Variants in NR3C2 observed in about 807,000 individuals in gnomAD.
The protein encoded by NR3C2 is mineralocorticoid receptor.
Under a neutral mutation model 86.4 loss-of-function variants are expected in NR3C2, and 15 were observed. That is an observed-to-expected ratio of 0.17 (90% CI 0.12 to 0.27). The LOEUF (loss-of-function observed/expected upper bound fraction) is 0.27. Ranked by LOEUF, NR3C2 falls within the 10% of genes least tolerant of loss-of-function variation. The probability of loss-of-function intolerance (pLI) is 1.00; values close to 1 mark genes in which losing one functional copy is unlikely to be tolerated. For missense variants in NR3C2, 960 were observed against 1,195.6 expected (o/e 0.80, Z 2.91); for synonymous variants, 458 against 450.5 (o/e 1.02, Z -0.21).
At chr4:148,205,548 T>C (rs554200982) in intron 3 of NR3C2, among the ~76,000 whole-genome samples, 21 of 152,236 alleles carry the variant, frequency 1.4e-4, no homozygotes, top group Non-Finnish European at 3.1e-4. Flanking sequence ...TAATTCAATA[T>C]GTCTGCTTGC....
intron 2 of NR3C2, among the ~76,000 whole-genome samples, chr4:148,419,644 T>C (rs763342530): frequency 1.3e-5 from 2 of 152,226 alleles, no homozygotes; most frequent in African/African-American, 2.4e-5. Context: ...TACATATCAG[T>C]GACTGATGAT....
intron 5 of NR3C2, among the ~76,000 whole-genome samples, chr4:148,154,078 G>A (rs922448183): frequency 2.0e-5 from 3 of 149,562 alleles, no homozygotes; most frequent in Admixed American, 6.7e-5. Flanking sequence ...GTGGGATCTC[G>A]GCTCACTGCA....
chr4:148,259,379 G>A (rs1049697690), intron 3 of NR3C2, among the ~76,000 whole-genome samples: 6 of 152,164 alleles, frequency 3.9e-5, no homozygotes, highest in African/African-American at 1.2e-4. Context: ...TAAGGAGTAC[G>A]ATTTTGGGGC....
chr4:148,175,710 C>T (rs1219971513), intron 4 of NR3C2, among the ~76,000 whole-genome samples: 1 of 151,958 alleles, frequency 6.6e-6, no homozygotes, highest in Non-Finnish European at 1.5e-5. Context: ...ATATTTTATG[C>T]CTTCCTATGT....
intron 6 of NR3C2, among the ~76,000 whole-genome samples, chr4:148,141,446 T>TCACACACA (rs763844203): frequency 4.7e-5 from 7 of 149,408 alleles, no homozygotes; most frequent in African/African-American, 7.4e-5. Flanking sequence ...TCCCTCTCTC[T>TCACACACA]CACACACACA....
chr4:148,412,418 A>C (rs1203247676), intron 2 of NR3C2, among the ~76,000 whole-genome samples: 1 of 152,236 alleles, frequency 6.6e-6, no homozygotes, highest in Admixed American at 6.5e-5. Context: ...GTGAAGTAAA[A>C]AAAGATCAAG....
At chr4:148,419,834 A>G (rs1245052944) in intron 2 of NR3C2, among the ~76,000 whole-genome samples, 1 of 151,804 alleles carries the variant, frequency 6.6e-6, no homozygotes, top group Non-Finnish European at 1.5e-5. Flanking sequence ...ATATTACCAG[A>G]CAGTTCATTT....
chr4:148,343,975 G>T (rs749014816), intron 2 of NR3C2, among the ~76,000 whole-genome samples: 3 of 152,126 alleles, frequency 2.0e-5, no homozygotes, highest in Non-Finnish European at 4.4e-5. Context: ...CAGGACTAAT[G>T]TTGGTGACAA....
At chr4:148,104,342 G>GTTTTTT (rs57175085) in intron 8 of NR3C2, among the ~76,000 whole-genome samples, 5 of 63,796 alleles carry the variant, frequency 7.8e-5, no homozygotes, top group Admixed American at 1.6e-4. Flanking sequence ...TTTTGGTTTG[G>GTTTTTT]TTTTTTTTTT....
At position 148,081,917 on chromosome 4, in the gene NR3C2, T is replaced by A. The variant is rs954675338; in HGVS notation, c.2800-418A>T. 2.0e-5 allele frequency among the ~76,000 whole-genome samples: 3 copies of A among 152,250 alleles called. No homozygotes were observed. The East Asian group carries it at 5.8e-4, about 29-fold the overall frequency. Reference sequence around the variant, plus strand: ...GGAAGGGGCAAGTGCTGGCCCAGGGTCTAAGCACCACAGATGCCCAGGAGG... The same window carrying A: ...GGAAGGGGCAAGTGCTGGCCCAGGGACTAAGCACCACAGATGCCCAGGAGG... On this transcript the variant is annotated intron_variant, in intron 8 of 8. Coordinates refer to ENST00000358102, the MANE Select transcript of NR3C2 (RefSeq NM_000901.5).
intron 2 of NR3C2, among the ~76,000 whole-genome samples, chr4:148,321,167 T>A (rs1432268561): frequency 7.5e-6 from 1 of 132,616 alleles, no homozygotes; most frequent in Non-Finnish European, 1.7e-5. Context: ...GGTTGTTCAG[T>A]TTCCATGTAG....
chr4:148,259,403 A>C (rs1739984719), intron 3 of NR3C2, among the ~76,000 whole-genome samples: 1 of 152,180 alleles, frequency 6.6e-6, no homozygotes, highest in Non-Finnish European at 1.5e-5. Flanking sequence ...AGCAAAAGCT[A>C]GCCTAACTGT....
At chr4:148,389,826 G>C (rs1747450551) in intron 2 of NR3C2, among the ~76,000 whole-genome samples, 1 of 151,394 alleles carries the variant, frequency 6.6e-6, no homozygotes, top group Non-Finnish European at 1.5e-5. Context: ...AGAGCATTAA[G>C]GACAAAAATA....
At chr4:148,104,724 T>C (rs1165092810) in intron 8 of NR3C2, among the ~76,000 whole-genome samples, 1 of 152,190 alleles carries the variant, frequency 6.6e-6, no homozygotes, top group Non-Finnish European at 1.5e-5. Flanking sequence ...ATGTCTTGGT[T>C]CTTGTGTTAT....
intron 3 of NR3C2, among the ~76,000 whole-genome samples, chr4:148,195,120 T>C (rs1234803639): frequency 1.3e-5 from 2 of 152,224 alleles, no homozygotes; most frequent in Non-Finnish European, 2.9e-5. Flanking sequence ...TCTCCATTAT[T>C]TGAATTTTTT....
At chr4:148,364,578 T>G (rs1318656734) in intron 2 of NR3C2, among the ~76,000 whole-genome samples, 2 of 152,206 alleles carry the variant, frequency 1.3e-5, no homozygotes, top group African/African-American at 4.8e-5. Flanking sequence ...ATGTGTTAGG[T>G]CCTTACAAAG....
chr4:148,156,610 A>G (rs1413618835), intron 4 of NR3C2, among the ~76,000 whole-genome samples: 4 of 152,214 alleles, frequency 2.6e-5, no homozygotes, highest in Non-Finnish European at 5.9e-5. Context: ...ATGAGACACC[A>G]TCTCACACCA....
intron 2 of NR3C2, among the ~76,000 whole-genome samples, chr4:148,416,037 T>A (rs1579272471): frequency 6.6e-6 from 1 of 152,228 alleles, no homozygotes; most frequent in Non-Finnish European, 1.5e-5. Flanking sequence ...GAGCTGCATA[T>A]CATAATATTA....
chr4:148,387,253 AC>A (rs1465256832), intron 2 of NR3C2, among the ~76,000 whole-genome samples: 1 of 152,190 alleles, frequency 6.6e-6, no homozygotes, highest in Non-Finnish European at 1.5e-5. Flanking sequence ...CCAGTTTGCC[AC>A]CATGAGGCAA....
Sources: gnomAD v4.1 joint callset for allele counts (sites outside exome capture counted in the v4.1 genomes callset) on GRCh38, gnomAD v4.1.1 for gene constraint, MANE v1.5 for transcripts, NCBI Gene and HGNC (gene_info 2026-07-23, HGNC 2026-07-21) for gene names.